Variants in GRXCR1 observed in about 807,000 individuals in gnomAD.
The protein encoded by GRXCR1 is glutaredoxin domain-containing cysteine-rich protein 1.
Under a neutral mutation model 27.3 loss-of-function variants are expected in GRXCR1, and 27 were observed. The observed-to-expected ratio is 0.99, with a 90% confidence interval of 0.73 to 1.37. GRXCR1 has a LOEUF of 1.37. Ranked by LOEUF, GRXCR1 falls within the 40% of genes most tolerant of loss-of-function variation. The pLI is 0.00. For missense variants in GRXCR1, 379 were observed against 354.4 expected, an observed-to-expected ratio of 1.07 and a Z score of -0.56; for synonymous variants, 122 against 131.1, an observed-to-expected ratio of 0.93 and a Z score of 0.47.
intron 2 of GRXCR1, among the ~76,000 whole-genome samples, chr4:42,989,854 A>T (rs1353068293): frequency 1.3e-5 from 2 of 152,112 alleles, no homozygotes; most frequent in South Asian, 2.1e-4. Flanking sequence ...AGCACCTCTC[A>T]AGTAATTTTT....
chr4:42,974,816 C>T (rs1022757842), intron 2 of GRXCR1, among the ~76,000 whole-genome samples: 5 of 152,106 alleles, frequency 3.3e-5, no homozygotes, highest in Non-Finnish European at 7.4e-5. Context: ...TGTCCATTGG[C>T]TTAGCATAGA....
chr4:42,963,223 T>C, intron 2 of GRXCR1, 89 bp downstream of exon 2: 1 of 1,459,964 alleles, frequency 6.8e-7, no homozygotes, highest in Non-Finnish European at 9.6e-7. Flanking sequence ...GCAGCGTAAC[T>C]ACTGGAACAC....
chr4:42,944,828 G>T (rs1027325071), intron 1 of GRXCR1, among the ~76,000 whole-genome samples: 1 of 152,100 alleles, frequency 6.6e-6, no homozygotes, highest in Non-Finnish European at 1.5e-5. Flanking sequence ...TTCAAAAAAG[G>T]CTGTTTTGGG....
chr4:42,947,564 T>C (rs1378589544), intron 1 of GRXCR1, among the ~76,000 whole-genome samples: 1 of 152,164 alleles, frequency 6.6e-6, no homozygotes, highest in Non-Finnish European at 1.5e-5. Context: ...TTGTACATGA[T>C]AAAATCTGCC....
chr4:42,903,053 T>C (rs549198687), intron 1 of GRXCR1, among the ~76,000 whole-genome samples: 1 of 151,750 alleles, frequency 6.6e-6, no homozygotes. Context: ...ACTGGGCTTC[T>C]AGAACTCAGG....
intron 2 of GRXCR1, among the ~76,000 whole-genome samples, chr4:43,016,768 G>A (rs1204330827): frequency 6.6e-6 from 1 of 152,140 alleles, no homozygotes. Context: ...AATGAGTACG[G>A]TAGCACACTT....
intron 2 of GRXCR1, among the ~76,000 whole-genome samples, chr4:42,990,654 G>A (rs1478183836): frequency 6.6e-6 from 1 of 151,828 alleles, no homozygotes; most frequent in African/African-American, 2.4e-5. Flanking sequence ...GAAACTAAAT[G>A]TTTTTGTTTT....
chr4:42,902,079 C>T (rs759407144), intron 1 of GRXCR1, among the ~76,000 whole-genome samples: 24 of 152,042 alleles, frequency 1.6e-4, no homozygotes, highest in Non-Finnish European at 1.3e-4. Flanking sequence ...TTTTTGGACT[C>T]TGGTCTTGAA....
chr4:43,010,378 C>T (rs1467465261), intron 2 of GRXCR1, among the ~76,000 whole-genome samples: 10 of 146,854 alleles, frequency 6.8e-5, no homozygotes, highest in Admixed American at 6.2e-4. Context: ...ACTCCAGCCT[C>T]GGTAACAAGA....
intron 2 of GRXCR1, among the ~76,000 whole-genome samples, chr4:43,008,086 A>T (rs1223263880): frequency 6.6e-6 from 1 of 151,932 alleles, no homozygotes; most frequent in African/African-American, 2.4e-5. Context: ...ATTTCTTTTC[A>T]TTCTTGGAAT....
At chr4:43,007,491 G>T (rs1560685788) in intron 2 of GRXCR1, among the ~76,000 whole-genome samples, 1 of 152,174 alleles carries the variant, frequency 6.6e-6, no homozygotes, top group Non-Finnish European at 1.5e-5. Flanking sequence ...CAAGTGAAGT[G>T]ATCATTGATG....
intron 1 of GRXCR1, among the ~76,000 whole-genome samples, chr4:42,913,741 G>A (rs1323853795): frequency 6.6e-6 from 1 of 152,182 alleles, no homozygotes; most frequent in Non-Finnish European, 1.5e-5. Context: ...ATGGCAGCCT[G>A]TCCCATCACA....
chr4:42,974,228 G>T (rs983599630), intron 2 of GRXCR1, among the ~76,000 whole-genome samples: 10 of 152,158 alleles, frequency 6.6e-5, no homozygotes, highest in African/African-American at 2.2e-4. Context: ...GGGATTGATT[G>T]GTCAGGGTAG....
At chr4:43,024,230 A>G (rs1713184057) in intron 3 of GRXCR1, among the ~76,000 whole-genome samples, 1 of 91,744 alleles carries the variant, frequency 1.1e-5, no homozygotes, top group African/African-American at 4.5e-5. Context: ...GCTTATAAAA[A>G]TTACTTAATC....
At chr4:42,917,339 G>T (rs1450904) in intron 1 of GRXCR1, among the ~76,000 whole-genome samples, 31,500 of 152,032 alleles carry the variant, frequency 0.21, 3,329 homozygotes, top group South Asian at 0.31. Flanking sequence ...CAATGAGATT[G>T]TGGCTTTCAT....
chr4:42,990,336 C>T (rs902261958), intron 2 of GRXCR1, among the ~76,000 whole-genome samples: 3 of 149,040 alleles, frequency 2.0e-5, no homozygotes, highest in African/African-American at 2.4e-5. Flanking sequence ...GGACTACAGG[C>T]GCCCGCCACT....
chr4:42,982,379 A>G (rs1748696731), intron 2 of GRXCR1, among the ~76,000 whole-genome samples: 2 of 133,476 alleles, frequency 1.5e-5, no homozygotes, highest in Admixed American at 1.6e-4. Context: ...TACAAAGGAC[A>G]TGAACTCATC....
intron 1 of GRXCR1, among the ~76,000 whole-genome samples, chr4:42,899,365 T>A (rs932699755): frequency 6.6e-6 from 1 of 152,152 alleles, no homozygotes; most frequent in African/African-American, 2.4e-5. Context: ...CCTGCCTTCA[T>A]GGACTATCCA....
rs573599251 is a variant in GRXCR1, at chr4:42,957,649, G to A, written c.385-5243G>A. On this transcript the variant is annotated intron_variant, in intron 1 of 3. Coordinates refer to ENST00000399770, the MANE Select transcript of GRXCR1 (RefSeq NM_001080476.3). The stretch of plus-strand genomic sequence containing the variant: ...TTCTTTTGACTCCTCTGACTATGTA[G>A]TTTCAAATAGCCTGTCTTCAAGTTC... Among the ~76,000 whole-genome samples the A allele has an allele frequency of 7.6e-4, 115 of 151,722 alleles. 1 individual carries two copies. Among genetic ancestry groups the A allele is most frequent in the African/African-American group, 2.7e-3 (111 of 41,442 alleles).
Sources: gnomAD v4.1 joint callset for allele counts (sites outside exome capture counted in the v4.1 genomes callset) on GRCh38, gnomAD v4.1.1 for gene constraint, MANE v1.5 for transcripts, NCBI Gene and HGNC (gene_info 2026-07-23, HGNC 2026-07-21) for gene names.